ZMYM4: variants seen among roughly 807,000 people sequenced by gnomAD.
ZMYM4 encodes zinc finger MYM-type protein 4.
ZMYM4 carries 31 observed loss-of-function variants against 183.2 expected under a neutral mutation model. The ratio of observed to expected loss-of-function variants is 0.17; its 90% CI spans 0.13 to 0.23. The LOEUF (loss-of-function observed/expected upper bound fraction) is 0.23. ZMYM4 is among the 10% of genes least tolerant of loss of function. The pLI is 1.00. For missense variants in ZMYM4, 1,273 were observed against 1,840.3 expected (o/e 0.69, Z 5.64); for synonymous variants, 592 against 631.2 (o/e 0.94, Z 0.93).
intron 26 of ZMYM4, 68 bp from the exon 27 acceptor site, chr1:35,413,904 C>A (rs1484726619): frequency 2.1e-6 from 2 of 942,066 alleles, no homozygotes; most frequent in Non-Finnish European, 3.2e-6. Context: ...GTATTTCTTA[C>A]AATAATTTTT....
chr1:35,298,863 C>A (rs1250796468), intron 1 of ZMYM4, among the ~76,000 whole-genome samples: 2 of 152,056 alleles, frequency 1.3e-5, no homozygotes, highest in African/African-American at 4.8e-5. Context: ...TGGTGAGAAC[C>A]CACATAGTTA....
At chr1:35,274,202 G>A (rs78994061) in intron 1 of ZMYM4, among the ~76,000 whole-genome samples, 9,453 of 152,182 alleles carry the variant, frequency 0.062, 899 homozygotes, top group East Asian at 0.44. Context: ...CTTTTAGAAA[G>A]TATTGACTCT....
intron 1 of ZMYM4, among the ~76,000 whole-genome samples, chr1:35,297,243 C>G (rs1641062328): frequency 6.6e-6 from 1 of 151,964 alleles, no homozygotes; most frequent in African/African-American, 2.4e-5. Context: ...AGACTGAATT[C>G]AACTAATTTT....
In ZMYM4 at chr1:35,389,754, CAAAAAAA is replaced by C. The variant is rs1173420649; in HGVS notation, c.2437-185_2437-179del. On this transcript the variant is annotated intron_variant, in intron 14 of 29. Transcript: ENST00000314607. The surrounding 1 kb of genome is among the most constrained non-coding windows in gnomAD (Gnocchi z 4.0). Reference sequence around the variant, plus strand: ...TGGGCGATAGAGCAAGGCTCTGTCTCAAAAAAAAAAAAAAATATATATATATATGTGT... The same window carrying C: ...TGGGCGATAGAGCAAGGCTCTGTCTCAAAAAAAATATATATATATATGTGT... Among the ~76,000 whole-genome samples, 1 of 91,548 alleles carries C rather than the reference CAAAAAAA, an allele frequency of 1.1e-5. No homozygotes were observed. Among genetic ancestry groups the C allele is most frequent in the African/African-American group, 3.7e-5 (1 of 27,024 alleles). 60.1% of individuals were successfully genotyped at this position (91,548 alleles called of 152,430 possible).
At chr1:35,358,504 A>G (rs1190899681) in intron 2 of ZMYM4, among the ~76,000 whole-genome samples, 2 of 152,084 alleles carry the variant, frequency 1.3e-5, no homozygotes, top group Non-Finnish European at 2.9e-5. Flanking sequence ...TCATTGTGTT[A>G]GTAGGTCTTT....
At chr1:35,269,428 T>G (rs1345628545) in intron 1 of ZMYM4, among the ~76,000 whole-genome samples, 1 of 151,252 alleles carries the variant, frequency 6.6e-6, no homozygotes, top group Non-Finnish European at 1.5e-5. Context: ...AGTCTGGAAG[T>G]TAACTGGGGA....
chr1:35,316,662 G>A (rs991898907), intron 1 of ZMYM4, among the ~76,000 whole-genome samples: 1 of 152,056 alleles, frequency 6.6e-6, no homozygotes, highest in African/African-American at 2.4e-5. Flanking sequence ...TTATGAAAAT[G>A]GATACTCAAG....
intron 2 of ZMYM4, among the ~76,000 whole-genome samples, chr1:35,329,419 G>A (rs1642640119): frequency 1.3e-5 from 2 of 152,182 alleles, no homozygotes; most frequent in African/African-American, 2.4e-5. Flanking sequence ...AAATAAAATA[G>A]GGAGATTGCT....
intron 1 of ZMYM4, among the ~76,000 whole-genome samples, chr1:35,312,712 C>G (rs1165878523): frequency 6.8e-6 from 1 of 146,774 alleles, no homozygotes; most frequent in Non-Finnish European, 1.5e-5. Context: ...CCTTCTTTCC[C>G]TCCCTCCCTC....
chr1:35,300,110 A>G (rs1043864314), intron 1 of ZMYM4, among the ~76,000 whole-genome samples: 5 of 152,038 alleles, frequency 3.3e-5, no homozygotes, highest in African/African-American at 9.7e-5. Flanking sequence ...GATTCTTTCA[A>G]TTTTCCATCT....
At chr1:35,305,604 C>T (rs1050950452) in intron 1 of ZMYM4, among the ~76,000 whole-genome samples, 3 of 151,770 alleles carry the variant, frequency 2.0e-5, no homozygotes, top group African/African-American at 4.8e-5. Flanking sequence ...AGTGCAGTGG[C>T]GTAATCATAA....
At chr1:35,292,747 G>A (rs774494495) in intron 1 of ZMYM4, among the ~76,000 whole-genome samples, 5 of 151,994 alleles carry the variant, frequency 3.3e-5, no homozygotes, top group African/African-American at 7.3e-5. Context: ...TGATCCACTC[G>A]CCTCGGCCTC....
chr1:35,298,208 A>G (rs565705757), intron 1 of ZMYM4, among the ~76,000 whole-genome samples: 2 of 152,316 alleles, frequency 1.3e-5, no homozygotes, highest in South Asian at 2.1e-4. Flanking sequence ...TGGGGTGCCA[A>G]TAAAAGTCAG....
intron 7 of ZMYM4, among the ~76,000 whole-genome samples, chr1:35,379,593 A>G (rs1644408622): frequency 6.6e-6 from 1 of 152,230 alleles, no homozygotes; most frequent in African/African-American, 2.4e-5. Context: ...TTAGTCTTTC[A>G]AGAACTTTTC....
intron 1 of ZMYM4, among the ~76,000 whole-genome samples, chr1:35,299,817 C>T (rs1641193533): frequency 6.7e-6 from 1 of 150,098 alleles, no homozygotes; most frequent in Non-Finnish European, 1.5e-5. Flanking sequence ...TTTTATGAGA[C>T]AGAGTCTTGC....
At chr1:35,302,046 A>G (rs1233109374) in intron 1 of ZMYM4, among the ~76,000 whole-genome samples, 2 of 152,114 alleles carry the variant, frequency 1.3e-5, no homozygotes, top group Non-Finnish European at 2.9e-5. Flanking sequence ...ACTCTCTGTT[A>G]CTTCATAATA....
At chr1:35,309,116 A>C in intron 1 of ZMYM4, 1 of 818,540 alleles carries the variant, frequency 1.2e-6, no homozygotes, top group Non-Finnish European at 1.5e-6. Context: ...ATGGATGCCA[A>C]CCTCATTGAA....
chr1:35,410,028 C>T (rs931637169), intron 26 of ZMYM4, among the ~76,000 whole-genome samples: 2 of 151,836 alleles, frequency 1.3e-5, no homozygotes, highest in Non-Finnish European at 2.9e-5. Flanking sequence ...TTCTGGTGAG[C>T]GCTTCAGGAA....
chr1:35,381,836 ATGT>A, intron 9 of ZMYM4, 78 bp downstream of exon 9: 2 of 1,541,962 alleles, frequency 1.3e-6, no homozygotes, highest in Non-Finnish European at 1.8e-6. Flanking sequence ...ATTTATGAAA[ATGT>A]TGTTTTGCAA....
Sources: allele counts gnomAD v4.1 joint callset (sites outside exome capture counted in the v4.1 genomes callset), GRCh38; gene constraint gnomAD v4.1.1; non-coding constraint Gnocchi (gnomAD v3.1); transcripts MANE v1.5; gene names NCBI Gene and HGNC (gene_info 2026-07-23, HGNC 2026-07-21).